The following MECOM variants were observed in gnomAD, a reference collection of about 807,000 sequenced individuals.
The protein encoded by MECOM is histone-lysine N-methyltransferase MECOM.
In MECOM, 13 loss-of-function variants were observed where a neutral mutation model predicts 116.3. The observed-to-expected ratio is 0.11, with a 90% CI of 0.07 to 0.18. The LOEUF (loss-of-function observed/expected upper bound fraction) is 0.18. Ranked by LOEUF, MECOM falls within the 10% of genes least tolerant of loss-of-function variation. The pLI is 1.00. For missense variants in MECOM, 1,299 were observed against 1,509.0 expected, an observed-to-expected ratio of 0.86 and a Z score of 2.31; for synonymous variants, 528 against 535.2, an observed-to-expected ratio of 0.99 and a Z score of 0.19.
intron 1 of MECOM, among the ~76,000 whole-genome samples, chr3:169,612,208 T>C (rs1769364229): frequency 6.6e-6 from 1 of 152,348 alleles, no homozygotes; most frequent in East Asian, 1.9e-4. Context: ...TGTTAAAGGA[T>C]ATATTAATCA....
At chr3:169,245,251 G>A (rs985346004) in intron 2 of MECOM, among the ~76,000 whole-genome samples, 3 of 152,066 alleles carry the variant, frequency 2.0e-5, no homozygotes, top group Non-Finnish European at 4.4e-5. Context: ...AATGAAATAT[G>A]CGAAAAACAA....
At chr3:169,288,656 T>A (rs1268583049) in intron 2 of MECOM, among the ~76,000 whole-genome samples, 1 of 152,122 alleles carries the variant, frequency 6.6e-6, no homozygotes, top group Non-Finnish European at 1.5e-5. Context: ...TATGGGGTTT[T>A]GTTGTTGTCT....
intron 2 of MECOM, among the ~76,000 whole-genome samples, chr3:169,223,396 T>A (rs1752363338): frequency 6.6e-6 from 1 of 150,796 alleles, no homozygotes; most frequent in African/African-American, 2.4e-5. Context: ...TTTGGTTTTC[T>A]GTCCTTGTGA....
intron 2 of MECOM, among the ~76,000 whole-genome samples, chr3:169,315,966 G>A (rs900842158): frequency 6.6e-6 from 1 of 152,120 alleles, no homozygotes; most frequent in African/African-American, 2.4e-5. Flanking sequence ...AAAGTTATTT[G>A]TTCTTTGGTC....
intron 1 of MECOM, among the ~76,000 whole-genome samples, chr3:169,537,146 A>C (rs1759471551): frequency 6.6e-6 from 1 of 152,202 alleles, no homozygotes; most frequent in South Asian, 2.1e-4. Context: ...TAAAATGTGA[A>C]AGAACTGTTC....
At chr3:169,101,070 A>C in intron 11 of MECOM, 108 bp from the exon 12 acceptor site, 1 of 555,384 alleles carries the variant, frequency 1.8e-6, no homozygotes, top group Non-Finnish European at 3.0e-6. Flanking sequence ...TCTTGCATGG[A>C]ACTCACATTT....
chr3:169,114,628 G>T (rs937321568), intron 8 of MECOM, among the ~76,000 whole-genome samples: 14 of 151,814 alleles, frequency 9.2e-5, no homozygotes, highest in African/African-American at 3.4e-4. Context: ...GAAAATGTTT[G>T]TAATATTCAA....
At chr3:169,513,651 A>T (rs1756255413) in intron 1 of MECOM, among the ~76,000 whole-genome samples, 1 of 152,246 alleles carries the variant, frequency 6.6e-6, no homozygotes, top group Admixed American at 6.5e-5. Context: ...AATGAAAAAA[A>T]TGAATTCTTT....
chr3:169,577,525 T>C (rs1764657298), intron 1 of MECOM, among the ~76,000 whole-genome samples: 1 of 151,982 alleles, frequency 6.6e-6, no homozygotes. Context: ...TTGGCTTTTC[T>C]ATGGTCGCCT....
intron 1 of MECOM, among the ~76,000 whole-genome samples, chr3:169,506,885 T>G (rs141294276): frequency 3.3e-5 from 5 of 152,324 alleles, no homozygotes; most frequent in African/African-American, 4.8e-5. Flanking sequence ...CTCCCATGCC[T>G]CTTTTCTTCT....
At position 169,431,481 on chromosome 3, in the gene MECOM, G is replaced by A. The variant is rs138721196; in HGVS notation, c.38-49957C>T. On this transcript the variant is annotated intron_variant, in intron 1 of 16. Transcript: ENST00000651503. Reference sequence around the variant, plus strand: ...ATTATAGGTCTCTAAGACCTACATAGAAGAAATAAAGGTCCCTTGACCTGT... The same window carrying A: ...ATTATAGGTCTCTAAGACCTACATAAAAGAAATAAAGGTCCCTTGACCTGT... Among the ~76,000 whole-genome samples the A allele has an allele frequency of 6.5e-4, 99 of 152,160 alleles. No homozygotes were observed. The East Asian group carries it at 0.018, about 28-fold the overall frequency.
At chr3:169,528,139 C>A (rs147473358) in intron 1 of MECOM, among the ~76,000 whole-genome samples, 1 of 152,204 alleles carries the variant, frequency 6.6e-6, no homozygotes, top group Non-Finnish European at 1.5e-5. Flanking sequence ...ACCCATAAAA[C>A]GGAAATAATG....
intron 1 of MECOM, among the ~76,000 whole-genome samples, chr3:169,584,063 T>G (rs1008673787): frequency 2.6e-5 from 4 of 152,308 alleles, no homozygotes; most frequent in South Asian, 2.1e-4. Context: ...CTCTATGAAT[T>G]CCTGCTGAGA....
chr3:169,412,356 T>G (rs1484641420), intron 1 of MECOM, among the ~76,000 whole-genome samples: 1 of 151,834 alleles, frequency 6.6e-6, no homozygotes, highest in African/African-American at 2.4e-5. Flanking sequence ...TTTTTTAAAT[T>G]TATTTGGGTT....
intron 7 of MECOM, among the ~76,000 whole-genome samples, chr3:169,118,466 G>A (rs1729894727): frequency 6.6e-6 from 1 of 151,950 alleles, no homozygotes; most frequent in Non-Finnish European, 1.5e-5. Flanking sequence ...TAAACTGTTT[G>A]ATACACTAAT....
intron 2 of MECOM, among the ~76,000 whole-genome samples, chr3:169,365,055 A>G (rs1728927046): frequency 6.6e-6 from 1 of 152,060 alleles, no homozygotes; most frequent in African/African-American, 2.4e-5. Flanking sequence ...TGGGCAAGAA[A>G]TCTATTTTTA....
At chr3:169,254,370 C>A (rs374174190) in intron 2 of MECOM, among the ~76,000 whole-genome samples, 27 of 152,218 alleles carry the variant, frequency 1.8e-4, no homozygotes, top group East Asian at 1.4e-3. Context: ...GATTCTCAAG[C>A]CAAGAAATGG....
chr3:169,110,358 C>A (rs1283280467), intron 9 of MECOM, among the ~76,000 whole-genome samples: 1 of 152,068 alleles, frequency 6.6e-6, no homozygotes, highest in Non-Finnish European at 1.5e-5. Context: ...CATTTAGGTC[C>A]TTCCACATGC....
chr3:169,561,598 A>C (rs1254697539), intron 1 of MECOM, among the ~76,000 whole-genome samples: 5 of 152,154 alleles, frequency 3.3e-5, no homozygotes, highest in Non-Finnish European at 7.4e-5. Flanking sequence ...GGATAGCTAA[A>C]CACCAAATTC....
Sources: gnomAD v4.1 joint callset for allele counts (sites outside exome capture counted in the v4.1 genomes callset) on GRCh38, gnomAD v4.1.1 for gene constraint, MANE v1.5 for transcripts, NCBI Gene and HGNC (gene_info 2026-07-23, HGNC 2026-07-21) for gene names.